Variants in ESF1 observed in about 807,000 individuals in gnomAD.
The protein encoded by ESF1 is ESF1 homolog.
In ESF1, 58 loss-of-function variants were observed where a neutral mutation model predicts 92.0. That is an observed-to-expected ratio of 0.63 (90% CI 0.51 to 0.78). The LOEUF is 0.78. Ranked by LOEUF, ESF1 falls within the 30% of genes least tolerant of loss-of-function variation. ESF1 has a pLI of 0.00. For missense variants in ESF1, 922 were observed against 989.1 expected, an observed-to-expected ratio of 0.93 and a Z score of 0.91; for synonymous variants, 321 against 313.7, an observed-to-expected ratio of 1.02 and a Z score of -0.24.
In ESF1 at chr20:13,775,888, A is replaced by T. The variant is rs1979909183; in HGVS notation, c.1020T>A (p.Ala340=). 1 of 1,607,566 alleles carries T rather than the reference A, an allele frequency of 6.2e-7. No individual in the cohort carries two copies. The part of the protein sequence containing the change: ...EHAWRELDKD[A]PRADEITRRL... ...AAAAGGTTACCTCATCAGCACGAGGAGCATCTTTATCTAATTCTCTCCAAG... is the reference window on the plus strand; with the variant it reads ...AAAAGGTTACCTCATCAGCACGAGGTGCATCTTTATCTAATTCTCTCCAAG... The change falls in exon 3 of 14, where the codon GCT becomes GCA. Residue 340 remains alanine (A), a synonymous_variant. Transcript: ENST00000617257.
intron 2 of ESF1, among the ~76,000 whole-genome samples, chr20:13,781,608 A>G (rs1980192375): frequency 6.6e-6 from 1 of 152,186 alleles, no homozygotes. Flanking sequence ...GTGTCTGCTC[A>G]GGGGCAAAAA....
At chr20:13,772,012 C>A (rs2018665279) in intron 5 of ESF1, among the ~76,000 whole-genome samples, 1 of 150,362 alleles carries the variant, frequency 6.7e-6, no homozygotes, top group Non-Finnish European at 1.5e-5. Context: ...TCTATTTAAC[C>A]CTCATTTTTA....
At chr20:13,764,489 C>A (rs1979341405) in intron 8 of ESF1, among the ~76,000 whole-genome samples, 1 of 152,168 alleles carries the variant, frequency 6.6e-6, no homozygotes, top group African/African-American at 2.4e-5. Context: ...GTTAGAGGCA[C>A]CAACCCTAGG....
chr20:13,749,232 A>ATTTTTTTT (rs71188184), intron 9 of ESF1, among the ~76,000 whole-genome samples: 9 of 89,662 alleles, frequency 1.0e-4, no homozygotes, highest in Non-Finnish European at 1.0e-4. Context: ...TGCCCGGCTA[A>ATTTTTTTT]TTTTTTTTTT....
At chr20:13,730,769 T>C (rs1054060059) in intron 10 of ESF1, among the ~76,000 whole-genome samples, 5 of 151,950 alleles carry the variant, frequency 3.3e-5, no homozygotes, top group Non-Finnish European at 5.9e-5. Context: ...CAAAGAATAT[T>C]TGCTATGTAC....
At chr20:13,716,974 C>T (rs926679162) in intron 13 of ESF1, among the ~76,000 whole-genome samples, 8 of 151,654 alleles carry the variant, frequency 5.3e-5, no homozygotes, top group East Asian at 1.9e-4. Flanking sequence ...CCCGCCACCA[C>T]GCCTGGCTAA....
Position 13,733,606 on chromosome 20 carries a change from A to G in ESF1, c.1950+115T>C, listed in dbSNP as rs568147869. On this transcript the variant is annotated intron_variant, in intron 10 of 13. Transcript: ENST00000617257. ...CCTCTTTCTTAAAATTGGGATGATA[A>G]CAAGGCCTACTTCAGTGAGTGGTTA... is the stretch of plus-strand genomic sequence containing the variant. 34 of 1,109,118 alleles carry G rather than the reference A, an allele frequency of 3.1e-5. No individual in the cohort carries two copies. The East Asian group carries it at 7.7e-4, about 25-fold the overall frequency. 68.7% of individuals were successfully genotyped at this position (1,109,118 alleles called of 1,614,324 possible). A position where few individuals can be genotyped will look rare whatever the true frequency, so the allele number is the denominator to read the frequency against.
At position 13,783,004 on chromosome 20, in the gene ESF1, T is replaced by C. The variant is rs1478999778; in HGVS notation, c.137A>G (p.Lys46Arg). 1 of 1,614,172 alleles carries C rather than the reference T, an allele frequency of 6.2e-7. No homozygotes were observed. The highest frequency in any genetic ancestry group is 8.5e-7 in the Non-Finnish European group (1 of 1,180,040). Reference protein sequence around the residue: ...KRFRAMFHDKKFKLNYAVDKR... With the variant: ...KRFRAMFHDKRFKLNYAVDKR... ...ATCCACGGCATAGTTCAACTTGAAC[T>C]TCTTGTCATGAAACATGGCTCGAAA... The change falls in exon 2 of 14, where the codon AAG becomes AGG. Residue 46 changes from lysine to arginine, a missense_variant. Physicochemically the swap from Lys to Arg is conservative, Grantham distance 26 (BLOSUM62 2). Coordinates refer to ENST00000617257, the MANE Select transcript of ESF1 (RefSeq NM_001276380.2).
chr20:13,749,665 A>G (rs948290093), intron 9 of ESF1, among the ~76,000 whole-genome samples: 4 of 152,062 alleles, frequency 2.6e-5, no homozygotes, highest in African/African-American at 9.7e-5. Context: ...TGCCGGGTTC[A>G]AGAGATTCTC....
chr20:13,759,099 T>C (rs998265458), intron 9 of ESF1, among the ~76,000 whole-genome samples: 7 of 152,218 alleles, frequency 4.6e-5, no homozygotes, highest in Non-Finnish European at 8.8e-5. Context: ...TGTACTATAC[T>C]GGGTAACAAA....
Position 13,772,635 on chromosome 20 carries a change from A to G in ESF1, c.1150-20T>C. On this transcript the variant is annotated intron_variant, in intron 4 of 13. Transcript: ENST00000617257. ...ATATATCTAAACAGAAAAAAATAGG[A>G]TCAATGTAATTTGTACATTCCTTTA... 6.5e-7 allele frequency: 1 copy of G among 1,533,134 alleles called. No individual in the cohort carries two copies. The highest frequency in any genetic ancestry group is 9.0e-7 in the Non-Finnish European group (1 of 1,109,322). 95.0% of individuals were successfully genotyped at this position (1,533,134 alleles called of 1,614,324 possible). A position where few individuals can be genotyped will look rare whatever the true frequency, so the allele number is the denominator to read the frequency against.
At chr20:13,748,474 A>G (rs1446703262) in intron 9 of ESF1, among the ~76,000 whole-genome samples, 1 of 144,812 alleles carries the variant, frequency 6.9e-6, no homozygotes, top group Non-Finnish European at 1.5e-5. Context: ...ATACACATAT[A>G]TACACATATA....
intron 9 of ESF1, among the ~76,000 whole-genome samples, chr20:13,754,253 T>G (rs1375843868): frequency 6.6e-6 from 1 of 152,174 alleles, no homozygotes; most frequent in Non-Finnish European, 1.5e-5. Context: ...ATATTCTCAC[T>G]GAAATGCCTT....
At chr20:13,727,034 A>C (rs2049904736) in intron 11 of ESF1, among the ~76,000 whole-genome samples, 1 of 152,210 alleles carries the variant, frequency 6.6e-6, no homozygotes, top group African/African-American at 2.4e-5. Context: ...TCTCAATTTA[A>C]ATGTGTTGAT....
chr20:13,783,732 T>C (rs1483098144), intron 1 of ESF1, among the ~76,000 whole-genome samples: 1 of 152,160 alleles, frequency 6.6e-6, no homozygotes, highest in Non-Finnish European at 1.5e-5. Flanking sequence ...AGAGGATCAC[T>C]TCCACCCGGG....
intron 9 of ESF1, among the ~76,000 whole-genome samples, chr20:13,758,456 G>A (rs1979001358): frequency 6.6e-6 from 1 of 152,136 alleles, no homozygotes; most frequent in Non-Finnish European, 1.5e-5. Flanking sequence ...GACCATCCTA[G>A]CAAATTTACT....
intron 10 of ESF1, among the ~76,000 whole-genome samples, chr20:13,728,875 A>AT (rs2049922032): frequency 6.6e-6 from 1 of 151,910 alleles, no homozygotes; most frequent in Non-Finnish European, 1.5e-5. Context: ...TCAAAAAAAA[A>AT]AATAATTAAA....
intron 5 of ESF1, among the ~76,000 whole-genome samples, chr20:13,772,305 T>C (rs1979724833): frequency 6.6e-6 from 1 of 152,112 alleles, no homozygotes; most frequent in Non-Finnish European, 1.5e-5. Flanking sequence ...ATAATTACTT[T>C]CATGAATACA....
At chr20:13,734,991 A>C (rs1200092525) in intron 9 of ESF1, among the ~76,000 whole-genome samples, 1 of 152,120 alleles carries the variant, frequency 6.6e-6, no homozygotes, top group Non-Finnish European at 1.5e-5. Context: ...CTAAAATGCT[A>C]GTTTGACCTA....
Sources: gnomAD v4.1 joint callset for allele counts (sites outside exome capture counted in the v4.1 genomes callset) on GRCh38, gnomAD v4.1.1 for gene constraint, MANE v1.5 for transcripts, NCBI Gene and HGNC (gene_info 2026-07-23, HGNC 2026-07-21) for gene names.